TSPEAR: variants seen among roughly 807,000 people sequenced by gnomAD.
The protein encoded by TSPEAR is thrombospondin type laminin G domain and EAR repeats, also known as thrombospondin-type laminin G domain and EAR repeat-containing protein.
In TSPEAR, 69 loss-of-function variants were observed where a neutral mutation model predicts 71.6. The ratio of observed to expected loss-of-function variants is 0.96; its 90% CI spans 0.79 to 1.18. TSPEAR has a LOEUF of 1.18. Ranked by LOEUF, TSPEAR falls within the 50% of genes most tolerant of loss-of-function variation. The probability of loss-of-function intolerance (pLI) is 0.00; values close to 1 mark genes in which losing one functional copy is unlikely to be tolerated. For synonymous variants in TSPEAR, 402 were observed against 387.2 expected, an observed-to-expected ratio of 1.04 and a Z score of -0.45; for missense variants, 971 against 894.9, an observed-to-expected ratio of 1.09 and a Z score of -1.09.
In TSPEAR at chr21:44,498,761, G is replaced by A. The variant is rs1555910786; in HGVS notation, c.*1022C>T. The stretch of plus-strand genomic sequence containing the variant: ...CACCGTTCCTGGAAGACCGTGGCAG[G>A]TGTGGTCTGGGCTGCGTGGCCCCGG... On this transcript the variant is annotated 3_prime_UTR_variant, in exon 12 of 12. Transcript: ENST00000323084. 6.6e-6 allele frequency: 1 copy of A among 152,354 alleles called. No individual in the cohort carries two copies. 9.4% of individuals were successfully genotyped at this position (152,354 alleles called of 1,614,324 possible).
At chr21:44,514,429 AGT>A (rs1430270111) in intron 9 of TSPEAR, among the ~76,000 whole-genome samples, 1 of 152,090 alleles carries the variant, frequency 6.6e-6, no homozygotes, top group Non-Finnish European at 1.5e-5. Flanking sequence ...ACCCTTGGGA[AGT>A]GTGTGGCACC....
chr21:44,616,896 C>A (rs1233707685), intron 1 of TSPEAR, among the ~76,000 whole-genome samples: 1 of 152,212 alleles, frequency 6.6e-6, no homozygotes, highest in Non-Finnish European at 1.5e-5. Context: ...AACAACCCAG[C>A]GAATTCAACA....
At chr21:44,635,517 A>G (rs1026238725) in intron 1 of TSPEAR, among the ~76,000 whole-genome samples, 1 of 152,182 alleles carries the variant, frequency 6.6e-6, no homozygotes, top group South Asian at 2.1e-4. Context: ...AAACATACCC[A>G]AACACAGGTG....
intron 1 of TSPEAR, chr21:44,682,233 A>G: frequency 8.1e-7 from 1 of 1,240,112 alleles, no homozygotes; most frequent in Non-Finnish European, 1.1e-6. Context: ...ACAGAAGCAC[A>G]CACCTGTTGT....
At chr21:44,638,212 G>T (rs782015600) in intron 1 of TSPEAR, 2 of 1,571,886 alleles carry the variant, frequency 1.3e-6, no homozygotes, top group African/African-American at 2.7e-5. Context: ...CCCACCAGGG[G>T]CTGACCTCCC....
intron 1 of TSPEAR, among the ~76,000 whole-genome samples, chr21:44,701,544 T>G (rs1987647351): frequency 6.6e-6 from 1 of 152,152 alleles, no homozygotes; most frequent in Admixed American, 6.5e-5. Flanking sequence ...TGAGCTTGTT[T>G]TCCTGCAACC....
intron 1 of TSPEAR, 147 bp from the exon 2 acceptor site, chr21:44,568,152 T>C (rs2053727822): frequency 2.0e-6 from 1 of 504,630 alleles, no homozygotes. Flanking sequence ...GTTATCTCTG[T>C]TTCAGTGGTA....
chr21:44,505,553 CA>C (rs2052173713), intron 10 of TSPEAR, among the ~76,000 whole-genome samples: 5 of 45,592 alleles, frequency 1.1e-4, no homozygotes, highest in Non-Finnish European at 1.7e-4. Flanking sequence ...CAGTAAACAT[CA>C]CCCCCTCCCC....
intron 1 of TSPEAR, among the ~76,000 whole-genome samples, chr21:44,694,664 C>T (rs1167341514): frequency 6.6e-6 from 1 of 152,182 alleles, no homozygotes; most frequent in Non-Finnish European, 1.5e-5. Context: ...TTTTTAAAGG[C>T]AGTCAAATGG....
rs1469505138 is a variant in TSPEAR at position 44,605,612 on chromosome 21, C to A, written c.83-37607G>T. Among the ~76,000 whole-genome samples the A allele has an allele frequency of 3.9e-5, 6 of 152,088 alleles. No homozygotes were observed. The South Asian group carries it at 6.2e-4, about 16-fold the overall frequency. On this transcript the variant is annotated intron_variant, in intron 1 of 11. Coordinates refer to ENST00000323084, the MANE Select transcript of TSPEAR (RefSeq NM_144991.3). ...CTGACATAAAAATAAACATATCAAC[C>A]AATGGAATGGGATAGAAATCCCAGA...
At chr21:44,668,443 A>T (rs2146277895) in intron 1 of TSPEAR, among the ~76,000 whole-genome samples, 1 of 152,370 alleles carries the variant, frequency 6.6e-6, no homozygotes, top group East Asian at 1.9e-4. Flanking sequence ...TTGGAAATTA[A>T]TATTGTTAAT....
rs1388715680 is a variant in TSPEAR, at chr21:44,506,715, C to T, written c.1755-1834G>A. ...ACATGCTCTGGTCTGGAGGCACGGC[C>T]GCGGGCCCCGGGTCAGTGTGAATCC... On this transcript the variant is annotated intron_variant, in intron 10 of 11. Coordinates refer to ENST00000323084, the MANE Select transcript of TSPEAR (RefSeq NM_144991.3). This position sits in a 1 kb window ranked among gnomAD's most constrained non-coding sequence, Gnocchi z 4.2. The T allele has an allele frequency of 1.3e-5, 2 of 152,266 alleles. No individual in the cohort carries two copies. The highest frequency in any genetic ancestry group is 6.5e-5 in the Admixed American group (1 of 15,288). 9.4% of individuals were successfully genotyped at this position (152,266 alleles called of 1,614,324 possible). A position where few individuals can be genotyped will look rare whatever the true frequency, so the allele number is the denominator to read the frequency against.
At chr21:44,611,139 T>C (rs935890439) in intron 1 of TSPEAR, among the ~76,000 whole-genome samples, 2 of 152,170 alleles carry the variant, frequency 1.3e-5, no homozygotes, top group Admixed American at 1.3e-4. Context: ...TGGGGGACTG[T>C]TGGGAAGGCA....
At chr21:44,704,955 G>T (rs1000702428) in intron 1 of TSPEAR, among the ~76,000 whole-genome samples, 2 of 152,142 alleles carry the variant, frequency 1.3e-5, no homozygotes, top group Non-Finnish European at 2.9e-5. Flanking sequence ...CTCTGTGGCT[G>T]CTGATGGCCC....
chr21:44,682,856 G>A (rs371277154), intron 1 of TSPEAR, among the ~76,000 whole-genome samples: 19 of 152,310 alleles, frequency 1.2e-4, no homozygotes, highest in African/African-American at 4.3e-4. Flanking sequence ...CTGAAGCCCT[G>A]GAGTCCGAGG....
chr21:44,525,867 G>A, intron 7 of TSPEAR, 28 bp from the exon 8 acceptor site: 6 of 1,612,048 alleles, frequency 3.7e-6, no homozygotes, highest in Non-Finnish European at 5.1e-6. Flanking sequence ...GGGACCACGT[G>A]GTTCTGCTTG....
intron 1 of TSPEAR, among the ~76,000 whole-genome samples, chr21:44,578,551 C>T (rs1333620996): frequency 1.1e-4 from 16 of 152,278 alleles, no homozygotes; most frequent in South Asian, 2.1e-4. Context: ...GATTAGGGGA[C>T]GGAGGCTGAG....
intron 1 of TSPEAR, among the ~76,000 whole-genome samples, chr21:44,571,405 C>T (rs458178): frequency 6.6e-6 from 1 of 152,112 alleles, no homozygotes; most frequent in Non-Finnish European, 1.5e-5. Context: ...AGCACCAACA[C>T]GATTCTTAGT....
chr21:44,623,708 T>C lies in TSPEAR; in HGVS notation c.83-55703A>G, dbSNP rs2146196308. Reference sequence around the variant, plus strand: ...GTGTAGAATTCTAGCTTGGTGCTTCTTTTCTTTCAGACAGTAAATATATCA... The same window carrying C: ...GTGTAGAATTCTAGCTTGGTGCTTCCTTTCTTTCAGACAGTAAATATATCA... On this transcript the variant is annotated intron_variant, in intron 1 of 11. Coordinates refer to ENST00000323084, the MANE Select transcript of TSPEAR (RefSeq NM_144991.3). This position sits in a 1 kb window ranked among gnomAD's most constrained non-coding sequence, Gnocchi z 4.5. 6.6e-6 allele frequency among the ~76,000 whole-genome samples: 1 copy of C among 152,332 alleles called. No individual in the cohort carries two copies. The highest frequency in any genetic ancestry group is 6.5e-5 in the Admixed American group (1 of 15,308).
Sources: gnomAD v4.1 joint callset for allele counts (sites outside exome capture counted in the v4.1 genomes callset) on GRCh38, gnomAD v4.1.1 for gene constraint, Gnocchi (gnomAD v3.1) non-coding constraint, MANE v1.5 for transcripts, NCBI Gene and HGNC (gene_info 2026-07-23, HGNC 2026-07-21) for gene names.